DEPTOR: variants seen among roughly 807,000 people sequenced by gnomAD.
DEPTOR encodes DEP domain-containing mTOR-interacting protein.
In DEPTOR, 41 loss-of-function variants were observed where a neutral mutation model predicts 41.6. That is an observed-to-expected ratio of 0.98 (90% confidence interval 0.77 to 1.28). The LOEUF (loss-of-function observed/expected upper bound fraction) is 1.28. DEPTOR is among the 50% of genes most tolerant of loss of function. DEPTOR has a pLI of 0.00. For synonymous variants in DEPTOR, 195 were observed against 192.3 expected (o/e 1.01, Z -0.12); for missense variants, 514 against 527.9 (o/e 0.97, Z 0.26).
rs1827992793 is a variant in DEPTOR at position 119,928,536 on chromosome 8, A to G, written c.259A>G (p.Lys87Glu). 1.9e-6 allele frequency: 3 copies of G among 1,614,074 alleles called. No homozygotes were observed. Residue 87 changes from lysine (K) to glutamate (E), a missense_variant, in exon 2 of 9, where the codon AAA becomes GAA. By Grantham distance (56) the Lys-to-Glu change is moderately conservative (BLOSUM62 1). Coordinates refer to ENST00000286234, the MANE Select transcript of DEPTOR (RefSeq NM_022783.4). ...GGCTTCTGACAGAGAGACGGCAATT[A>G]AACTCATGCAGAAATTAGCAGACCG... ...KEASDRETAI[K>E]LMQKLADRGI...
At chr8:120,029,554 C>T (rs973968170) in intron 8 of DEPTOR, among the ~76,000 whole-genome samples, 42 of 152,042 alleles carry the variant, frequency 2.8e-4, no homozygotes, top group African/African-American at 9.2e-4. Flanking sequence ...CACCACCATG[C>T]CTGGCTAATT....
chr8:119,972,972 T>G (rs1202742411), intron 4 of DEPTOR, among the ~76,000 whole-genome samples: 1 of 151,744 alleles, frequency 6.6e-6, no homozygotes, highest in Non-Finnish European at 1.5e-5. Flanking sequence ...GGAGTTTCGC[T>G]CTTGTTGCCC....
intron 8 of DEPTOR, among the ~76,000 whole-genome samples, chr8:120,014,410 A>G (rs1489741820): frequency 6.6e-6 from 1 of 152,184 alleles, no homozygotes; most frequent in Non-Finnish European, 1.5e-5. Flanking sequence ...GAGCTCATTT[A>G]ATGTCAGCAT....
At chr8:119,953,030 C>T (rs1828373437) in intron 3 of DEPTOR, among the ~76,000 whole-genome samples, 1 of 152,178 alleles carries the variant, frequency 6.6e-6, no homozygotes, top group Admixed American at 6.5e-5. Flanking sequence ...AGCTATGTAA[C>T]ATGTGCTCTA....
chr8:119,941,092 G>A (rs1240755876), intron 3 of DEPTOR, among the ~76,000 whole-genome samples: 1 of 151,978 alleles, frequency 6.6e-6, no homozygotes, highest in African/African-American at 2.4e-5. Context: ...GTTAAAATGG[G>A]GCTGGGCGTG....
At chr8:120,048,032 C>CAA (rs34841127) in intron 8 of DEPTOR, among the ~76,000 whole-genome samples, 2 of 136,982 alleles carry the variant, frequency 1.5e-5, no homozygotes, top group Non-Finnish European at 3.1e-5. Flanking sequence ...GACTCCATGT[C>CAA]AAAAAAAAAA....
chr8:120,020,011 G>A (rs1812674979), intron 8 of DEPTOR, among the ~76,000 whole-genome samples: 1 of 152,066 alleles, frequency 6.6e-6, no homozygotes, highest in African/African-American at 2.4e-5. Context: ...AGCACTGCAT[G>A]TTCCCCACTT....
chr8:119,892,786 A>ATTT (rs111693158), intron 1 of DEPTOR, among the ~76,000 whole-genome samples: 4 of 147,212 alleles, frequency 2.7e-5, no homozygotes, highest in African/African-American at 5.0e-5. Context: ...CTTTATTATA[A>ATTT]TTTTTTTTTT....
intron 8 of DEPTOR, among the ~76,000 whole-genome samples, chr8:120,034,837 C>T (rs537903140): frequency 1.3e-5 from 2 of 151,698 alleles, no homozygotes; most frequent in Admixed American, 6.6e-5. Context: ...TGGCATAATC[C>T]GGAAAAAAGA....
chr8:120,027,410 A>C (rs1337086061), intron 8 of DEPTOR, among the ~76,000 whole-genome samples: 1 of 151,884 alleles, frequency 6.6e-6, no homozygotes, highest in Non-Finnish European at 1.5e-5. Context: ...GACCAAGTTA[A>C]GAGTAAATTC....
intron 8 of DEPTOR, among the ~76,000 whole-genome samples, chr8:120,040,920 G>A (rs111857522): frequency 4.6e-5 from 7 of 152,032 alleles, no homozygotes; most frequent in Admixed American, 3.9e-4. Context: ...TCATTTAATC[G>A]GGCAGCCTTT....
chr8:119,969,410 A>G (rs1828605653), intron 4 of DEPTOR, among the ~76,000 whole-genome samples: 1 of 149,304 alleles, frequency 6.7e-6, no homozygotes, highest in South Asian at 2.1e-4. Flanking sequence ...GCTGGAGTGC[A>G]ATGGTGCGAT....
intron 3 of DEPTOR, among the ~76,000 whole-genome samples, chr8:119,951,587 C>T (rs1207029748): frequency 6.6e-6 from 1 of 152,152 alleles, no homozygotes; most frequent in Non-Finnish European, 1.5e-5. Flanking sequence ...AAGTTCTCAT[C>T]TTTCTTTCAG....
In DEPTOR at chr8:119,948,593, A is replaced by C. The variant is rs1020059644; in HGVS notation, c.426-16639A>C. Among the ~76,000 whole-genome samples the C allele has an allele frequency of 2.6e-5, 4 of 151,944 alleles. No homozygotes were observed. In the East Asian group the frequency reaches 7.7e-4, roughly 29 times the overall value. ...TAAGTTAATTTTATACTTTTTAAAA[A>C]CTTTGTTTATAGTATAATCACAGAT... is the stretch of plus-strand genomic sequence containing the variant. On this transcript the variant is annotated intron_variant, in intron 3 of 8. Transcript: ENST00000286234.
intron 7 of DEPTOR, among the ~76,000 whole-genome samples, chr8:120,007,343 C>G (rs60108234): frequency 0.17 from 25,344 of 152,014 alleles, 3,619 homozygotes; most frequent in African/African-American, 0.39. Flanking sequence ...GAGTGTTAAG[C>G]TAGAGAAAGG....
chr8:119,897,352 G>A (rs1479594255), intron 1 of DEPTOR, among the ~76,000 whole-genome samples: 2 of 152,084 alleles, frequency 1.3e-5, no homozygotes, highest in Non-Finnish European at 2.9e-5. Context: ...GGCCAACATG[G>A]TGAAACCCTG....
chr8:119,927,672 G>T (rs888317133), intron 1 of DEPTOR, among the ~76,000 whole-genome samples: 1 of 151,086 alleles, frequency 6.6e-6, no homozygotes, highest in Admixed American at 6.6e-5. Context: ...GCAATGGCAC[G>T]ATCTCAGCTC....
At chr8:119,948,333 A>T (rs1020008819) in intron 3 of DEPTOR, among the ~76,000 whole-genome samples, 4 of 152,002 alleles carry the variant, frequency 2.6e-5, no homozygotes, top group Non-Finnish European at 5.9e-5. Context: ...AATCTCTTGA[A>T]CCCAGGAGAT....
chr8:120,045,825 C>T (rs1813146169), intron 8 of DEPTOR, among the ~76,000 whole-genome samples: 1 of 152,200 alleles, frequency 6.6e-6, no homozygotes, highest in African/African-American at 2.4e-5. Context: ...CATCCCAGGG[C>T]TTTTAGGCAG....
Sources: allele counts gnomAD v4.1 joint callset (sites outside exome capture counted in the v4.1 genomes callset), GRCh38; gene constraint gnomAD v4.1.1; transcripts MANE v1.5; gene names NCBI Gene and HGNC (gene_info 2026-07-23, HGNC 2026-07-21).